The following LRRC2 variants were observed in gnomAD, a reference collection of about 807,000 sequenced individuals.
LRRC2 encodes the protein leucine-rich repeat-containing protein 2.
In LRRC2, 27 loss-of-function variants were observed where a neutral mutation model predicts 40.2. The observed-to-expected ratio is 0.67, with a 90% CI of 0.49 to 0.93. LRRC2 has a LOEUF of 0.93. LRRC2 is among the 40% of genes least tolerant of loss of function. The pLI is 0.00. For synonymous variants in LRRC2, 147 were observed against 158.9 expected (o/e 0.92, Z 0.56); for missense variants, 402 against 439.6 (o/e 0.91, Z 0.76).
intron 7 of LRRC2, among the ~76,000 whole-genome samples, chr3:46,524,310 C>T (rs1162304898): frequency 6.6e-6 from 1 of 152,208 alleles, no homozygotes; most frequent in African/African-American, 2.4e-5. Context: ...GGGGTCTTTT[C>T]TCCAGGCTAC....
intron 4 of LRRC2, 35 bp downstream of exon 4, chr3:46,539,010 C>T (rs774388810): frequency 4.4e-6 from 7 of 1,604,680 alleles, no homozygotes; most frequent in Non-Finnish European, 3.4e-6. Context: ...GCTTAACACA[C>T]CAGAGGCCCG....
intron 1 of LRRC2, among the ~76,000 whole-genome samples, chr3:46,552,008 C>T (rs565141849): frequency 2.0e-5 from 3 of 151,970 alleles, no homozygotes; most frequent in Non-Finnish European, 2.9e-5. Context: ...ACTCTATTGC[C>T]GAGGCTGGGA....
At chr3:46,547,961 G>T (rs943603521) in intron 2 of LRRC2, among the ~76,000 whole-genome samples, 2 of 152,180 alleles carry the variant, frequency 1.3e-5, no homozygotes, top group African/African-American at 4.8e-5. Context: ...TCAAAGACAT[G>T]CTGCTAGAAC....
intron 1 of LRRC2, among the ~76,000 whole-genome samples, chr3:46,565,223 C>A (rs1475581301): frequency 6.6e-6 from 1 of 152,202 alleles, no homozygotes; most frequent in Non-Finnish European, 1.5e-5. Context: ...CAAGGCCAAG[C>A]TGCCTGGGCG....
At chr3:46,533,881 TCTTC>T (rs1345129061) in intron 4 of LRRC2, among the ~76,000 whole-genome samples, 1 of 150,552 alleles carries the variant, frequency 6.6e-6, no homozygotes, top group African/African-American at 2.4e-5. Context: ...TCCCTTCCTT[TCTTC>T]CTTCCTTCCT....
chr3:46,556,829 A>T (rs1193769764), intron 1 of LRRC2, among the ~76,000 whole-genome samples: 1 of 152,060 alleles, frequency 6.6e-6, no homozygotes, highest in African/African-American at 2.4e-5. Flanking sequence ...CACCCGCCTC[A>T]GCCTCCCAAA....
At chr3:46,536,004 A>T (rs1004783253) in intron 4 of LRRC2, among the ~76,000 whole-genome samples, 1 of 152,210 alleles carries the variant, frequency 6.6e-6, no homozygotes, top group Non-Finnish European at 1.5e-5. Flanking sequence ...TCAAAGACCC[A>T]GGCAGCCTGA....
At chr3:46,556,791 T>A (rs112782854) in intron 1 of LRRC2, among the ~76,000 whole-genome samples, 1 of 151,922 alleles carries the variant, frequency 6.6e-6, no homozygotes, top group Non-Finnish European at 1.5e-5. Flanking sequence ...GTTGATCAGG[T>A]TGGTCTCGAA....
chr3:46,518,936 T>C lies in LRRC2; in HGVS notation c.*78A>G. On this transcript the variant is annotated 3_prime_UTR_variant, in exon 9 of 9. Coordinates refer to ENST00000395905, the MANE Select transcript of LRRC2 (RefSeq NM_024512.5). ...CTTTGTCCTTAAGCACAAGCCATTC[T>C]TCCTATATGACATGATCATAACAAA... 1 of 1,003,282 alleles carries C rather than the reference T, an allele frequency of 1.0e-6. No individual in the cohort carries two copies. The highest frequency in any genetic ancestry group is 1.8e-5 in the Admixed American group (1 of 56,260). The allele number at this position is 1,003,282 out of a possible 1,614,324, so 62.1% of individuals were successfully genotyped here.
chr3:46,551,751 CTTTTTT>C (rs748541390), intron 1 of LRRC2, 141 bp from the exon 2 acceptor site: 1,045 of 138,826 alleles, frequency 7.5e-3, no homozygotes, highest in Middle Eastern at 0.026. Context: ...TGACAGTTTG[CTTTTTT>C]TTTTTTTTTT....
intron 7 of LRRC2, among the ~76,000 whole-genome samples, chr3:46,522,420 C>T (rs9823878): frequency 0.48 from 59,592 of 125,146 alleles, 12,583 homozygotes; most frequent in South Asian, 0.59. Flanking sequence ...AATAAATAAA[C>T]AAACGATAGG....
chr3:46,556,178 G>A (rs1287760915), intron 1 of LRRC2, among the ~76,000 whole-genome samples: 2 of 151,344 alleles, frequency 1.3e-5, no homozygotes, highest in Non-Finnish European at 2.9e-5. Flanking sequence ...GGAGTGCAGT[G>A]ATGCCATCAC....
chr3:46,550,682 C>T (rs555299899), intron 2 of LRRC2, among the ~76,000 whole-genome samples: 15 of 152,320 alleles, frequency 9.8e-5, no homozygotes, highest in South Asian at 4.1e-4. Flanking sequence ...TGAGCCACTG[C>T]GCCCAGCCCC....
intron 6 of LRRC2, among the ~76,000 whole-genome samples, chr3:46,528,293 CT>C (rs10706448): frequency 0.68 from 99,989 of 146,994 alleles, 34,028 homozygotes; most frequent in East Asian, 0.97. Context: ...CTTTGGTACA[CT>C]TTTTTTTTTT....
At chr3:46,552,529 C>T (rs1704683403) in intron 1 of LRRC2, among the ~76,000 whole-genome samples, 1 of 152,130 alleles carries the variant, frequency 6.6e-6, no homozygotes, top group African/African-American at 2.4e-5. Flanking sequence ...GACTTTCTTC[C>T]GTAACCCATC....
chr3:46,556,301 T>A (rs1704792306), intron 1 of LRRC2, among the ~76,000 whole-genome samples: 1 of 151,896 alleles, frequency 6.6e-6, no homozygotes, highest in Non-Finnish European at 1.5e-5. Flanking sequence ...TTTAAAAAAA[T>A]ATTTTTGCAG....
intron 3 of LRRC2, 59 bp from the exon 4 acceptor site, chr3:46,539,260 T>G: frequency 1.3e-5 from 20 of 1,507,454 alleles, no homozygotes; most frequent in Non-Finnish European, 1.7e-5. Flanking sequence ...CAAAGCCGTG[T>G]AAAACCAAGC....
chr3:46,531,523 T>C (rs924996753), intron 5 of LRRC2, among the ~76,000 whole-genome samples: 1 of 152,114 alleles, frequency 6.6e-6, no homozygotes, highest in Admixed American at 6.6e-5. Context: ...CAGAATATAT[T>C]CTGGAGGGCA....
chr3:46,535,444 TAG>T (rs1704253320), intron 4 of LRRC2, among the ~76,000 whole-genome samples: 1 of 152,202 alleles, frequency 6.6e-6, no homozygotes, highest in Non-Finnish European at 1.5e-5. Context: ...AAATCTGGTA[TAG>T]AGAGTATTAA....
Sources: allele counts gnomAD v4.1 joint callset (sites outside exome capture counted in the v4.1 genomes callset), GRCh38; gene constraint gnomAD v4.1.1; transcripts MANE v1.5; gene names NCBI Gene and HGNC (gene_info 2026-07-23, HGNC 2026-07-21).